Variants in PRKG1 observed in about 807,000 individuals in gnomAD.
PRKG1 encodes protein kinase cGMP-dependent 1.
Under a neutral mutation model 88.1 loss-of-function variants are expected in PRKG1, and 35 were observed. That is an observed-to-expected ratio of 0.40 (90% CI 0.30 to 0.53). The LOEUF (loss-of-function observed/expected upper bound fraction) is 0.53. PRKG1 is among the 20% of genes least tolerant of loss of function. The pLI is 0.59. For synonymous variants in PRKG1, 303 were observed against 292.5 expected (o/e 1.04, Z -0.37); for missense variants, 540 against 839.8 (o/e 0.64, Z 4.41).
rs367834323 is a variant in PRKG1 at position 51,066,687 on chromosome 10, A to G, written c.266+75043A>G. On this transcript the variant is annotated intron_variant, in intron 1 of 17. Transcript: ENST00000401604. ...TATTTACATGGTATATACAGTATGT[A>G]ATATTTTATGTATTTACTGTATATT... 6.7e-4 allele frequency among the ~76,000 whole-genome samples: 102 copies of G among 152,250 alleles called. 1 individual carries two copies. Among genetic ancestry groups the G allele is most frequent in the African/African-American group, 2.2e-3 (93 of 41,560 alleles).
chr10:52,159,983 G>A (rs974452296), intron 8 of PRKG1, among the ~76,000 whole-genome samples: 2 of 151,742 alleles, frequency 1.3e-5, no homozygotes, highest in African/African-American at 4.8e-5. Flanking sequence ...AAATATAAAG[G>A]ACAGAAGCAT....
At chr10:51,569,283 G>GT (rs2132164155) in intron 3 of PRKG1, among the ~76,000 whole-genome samples, 1 of 152,092 alleles carries the variant, frequency 6.6e-6, no homozygotes, top group Non-Finnish European at 1.5e-5. Context: ...AGCAAGTATT[G>GT]ACTGTCAAAG....
chr10:51,043,556 G>A lies in PRKG1; in HGVS notation c.266+51912G>A, dbSNP rs116826320. 2.5e-3 allele frequency among the ~76,000 whole-genome samples: 374 copies of A among 152,150 alleles called. 3 individuals are homozygous for A. Among genetic ancestry groups the A allele is most frequent in the African/African-American group, 8.8e-3 (365 of 41,488 alleles). Reference sequence around the variant, plus strand: ...ATACAATATGACAATTTCTAGTAATGGTCTGTCTCCTCATCAGACTGTAAG... The same window carrying A: ...ATACAATATGACAATTTCTAGTAATAGTCTGTCTCCTCATCAGACTGTAAG... On this transcript the variant is annotated intron_variant, in intron 1 of 17. Transcript: ENST00000401604.
rs185982042 is a variant in PRKG1, at chr10:51,438,134, A to G, written c.479-29589A>G. On this transcript the variant is annotated intron_variant, in intron 2 of 17. Transcript: ENST00000373980. ...GATTTGCATATGCATTAATGTTTGG[A>G]AAGCACTGGATGCAAATAATACTGT... Among the ~76,000 whole-genome samples the G allele has an allele frequency of 1.1e-3, 169 of 151,926 alleles. 2 individuals are homozygous for G. In the South Asian group the frequency reaches 0.017, roughly 15 times the overall value.
intron 5 of PRKG1, among the ~76,000 whole-genome samples, chr10:52,033,990 G>T (rs10823984): frequency 0.058 from 8,822 of 151,206 alleles, 683 homozygotes; most frequent in East Asian, 0.44. Flanking sequence ...TGCTTTTTGA[G>T]CCAGGATGAG....
intron 9 of PRKG1, among the ~76,000 whole-genome samples, chr10:52,234,445 A>G (rs931866723): frequency 1.3e-5 from 2 of 151,744 alleles, no homozygotes; most frequent in African/African-American, 4.9e-5. Context: ...TATAACTAGA[A>G]TAACCAATAC....
chr10:51,458,447 A>C (rs1839653042), intron 2 of PRKG1, among the ~76,000 whole-genome samples: 1 of 151,548 alleles, frequency 6.6e-6, no homozygotes, highest in Non-Finnish European at 1.5e-5. Flanking sequence ...TTTTTTTTAC[A>C]ACCAGATATG....
intron 3 of PRKG1, among the ~76,000 whole-genome samples, chr10:51,548,337 T>C (rs1315142927): frequency 1.3e-5 from 2 of 152,144 alleles, no homozygotes; most frequent in African/African-American, 2.4e-5. Context: ...GATTCATTTA[T>C]TTCTAAGTCC....
At chr10:51,705,179 T>TC (rs1027595834) in intron 3 of PRKG1, among the ~76,000 whole-genome samples, 1 of 152,182 alleles carries the variant, frequency 6.6e-6, no homozygotes, top group African/African-American at 2.4e-5. Flanking sequence ...TTCTCTTCCC[T>TC]CCCCCATGTT....
At chr10:51,763,005 T>C (rs1175844613) in intron 3 of PRKG1, among the ~76,000 whole-genome samples, 1 of 152,204 alleles carries the variant, frequency 6.6e-6, no homozygotes, top group Non-Finnish European at 1.5e-5. Flanking sequence ...TTTACTTTAG[T>C]TAAATTACTT....
At chr10:51,692,534 C>T (rs948314529) in intron 3 of PRKG1, among the ~76,000 whole-genome samples, 47 of 152,180 alleles carry the variant, frequency 3.1e-4, no homozygotes, top group Non-Finnish European at 4.0e-4. Flanking sequence ...TGAGCCACCA[C>T]GCCCCGCCCA....
At chr10:51,904,330 A>C (rs1248121454) in intron 4 of PRKG1, among the ~76,000 whole-genome samples, 1 of 152,148 alleles carries the variant, frequency 6.6e-6, no homozygotes, top group Non-Finnish European at 1.5e-5. Flanking sequence ...AGTTTTCTAA[A>C]GGATAGAAAA....
At chr10:51,710,981 G>A (rs1841733297) in intron 3 of PRKG1, among the ~76,000 whole-genome samples, 1 of 152,216 alleles carries the variant, frequency 6.6e-6, no homozygotes, top group African/African-American at 2.4e-5. Flanking sequence ...ACAGGTATGA[G>A]CCACTGCGCC....
intron 2 of PRKG1, among the ~76,000 whole-genome samples, chr10:51,314,442 T>C (rs1217283358): frequency 2.0e-5 from 3 of 152,228 alleles, no homozygotes; most frequent in Admixed American, 6.5e-5. Context: ...AAAAGATTTC[T>C]ATATTAGTAA....
intron 8 of PRKG1, among the ~76,000 whole-genome samples, chr10:52,141,491 CT>C (rs1837580197): frequency 6.6e-6 from 1 of 152,014 alleles, no homozygotes; most frequent in Non-Finnish European, 1.5e-5. Context: ...CCAACCAGAG[CT>C]TACTGGTTAC....
At chr10:51,099,629 T>G (rs1214293924) in intron 1 of PRKG1, among the ~76,000 whole-genome samples, 1 of 152,180 alleles carries the variant, frequency 6.6e-6, no homozygotes, top group Non-Finnish European at 1.5e-5. Flanking sequence ...AGGTATTTTT[T>G]TTAACCCAGG....
At chr10:51,772,403 C>A (rs2132547697) in intron 3 of PRKG1, among the ~76,000 whole-genome samples, 1 of 151,764 alleles carries the variant, frequency 6.6e-6, no homozygotes, top group African/African-American at 2.4e-5. Flanking sequence ...AATTATGGAA[C>A]AAAGAAATTA....
At chr10:51,021,987 G>A (rs1028309027) in intron 1 of PRKG1, among the ~76,000 whole-genome samples, 3 of 152,142 alleles carry the variant, frequency 2.0e-5, no homozygotes, top group Admixed American at 1.3e-4. Flanking sequence ...GACCAAGCCT[G>A]GTTCTTATAA....
intron 3 of PRKG1, among the ~76,000 whole-genome samples, chr10:51,627,941 C>CCTTCCTTCCTTCCTTT (rs1554826884): frequency 8.0e-5 from 2 of 25,072 alleles, no homozygotes; most frequent in Non-Finnish European, 2.0e-4. Flanking sequence ...TTCCTTCCTT[C>CCTTCCTTCCTTCCTTT]CTTTCTTTCT....
Sources: gnomAD v4.1 joint callset for allele counts (sites outside exome capture counted in the v4.1 genomes callset) on GRCh38, gnomAD v4.1.1 for gene constraint, MANE v1.5 for transcripts, NCBI Gene and HGNC (gene_info 2026-07-23, HGNC 2026-07-21) for gene names.